Variants in HCRTR2 observed in about 807,000 individuals in gnomAD.
HCRTR2 encodes hypocretin receptor 2, also known as orexin receptor type 2.
HCRTR2 carries 22 observed loss-of-function variants against 49.0 expected under a neutral mutation model. The ratio of observed to expected loss-of-function variants is 0.45; its 90% CI spans 0.32 to 0.64. The LOEUF is 0.64. Among genes scored for constraint, HCRTR2 ranks in the 30% least tolerant of loss-of-function variants. The pLI, the probability that HCRTR2 is intolerant of heterozygous loss-of-function variation, is 0.04. For missense variants in HCRTR2, 491 were observed against 559.4 expected (o/e 0.88, Z 1.23); for synonymous variants, 236 against 205.3 (o/e 1.15, Z -1.28).
intron 1 of HCRTR2, among the ~76,000 whole-genome samples, chr6:55,160,942 A>C (rs549081365): frequency 6.6e-6 from 1 of 152,268 alleles, no homozygotes; most frequent in Non-Finnish European, 1.5e-5. Context: ...AAAATTAACA[A>C]GTACATTCAG....
intron 1 of HCRTR2, among the ~76,000 whole-genome samples, chr6:55,194,842 T>C (rs1765382201): frequency 6.6e-6 from 1 of 152,138 alleles, no homozygotes; most frequent in African/African-American, 2.4e-5. Flanking sequence ...TCTAGTACTT[T>C]TTTTAATGAA....
intron 1 of HCRTR2, among the ~76,000 whole-genome samples, chr6:55,151,062 A>G (rs1764658525): frequency 6.6e-6 from 1 of 152,058 alleles, no homozygotes; most frequent in South Asian, 2.1e-4. Flanking sequence ...AATGCTAACA[A>G]TCATCTGAAT....
chr6:55,119,023 T>C (rs1445963882), intron 1 of HCRTR2, among the ~76,000 whole-genome samples: 1 of 151,984 alleles, frequency 6.6e-6, no homozygotes, highest in East Asian at 1.9e-4. Context: ...CACTTATGAG[T>C]GAGAACATGT....
At chr6:55,243,391 C>A (rs75692341) in intron 1 of HCRTR2, among the ~76,000 whole-genome samples, 6,297 of 152,112 alleles carry the variant, frequency 0.041, 176 homozygotes, top group Middle Eastern at 0.085. Context: ...AAGTTCAGGT[C>A]CTGGGATTTA....
chr6:55,262,684 AT>A (rs1317401233), intron 3 of HCRTR2, among the ~76,000 whole-genome samples: 1 of 141,678 alleles, frequency 7.1e-6, no homozygotes, highest in Non-Finnish European at 1.5e-5. Flanking sequence ...TAAAATATAT[AT>A]TATGTAGGGA....
Position 55,174,826 on chromosome 6 carries a change from G to C in HCRTR2, c.223+16G>C, listed in dbSNP as rs375022205. On this transcript the variant is annotated intron_variant, in intron 1 of 6. Coordinates refer to ENST00000370862, the MANE Select transcript of HCRTR2 (RefSeq NM_001384272.1). ...AACGTCCTGGGTGAGTCTCCTCCCG[G>C]GCAGCCCTCCTAGGGGCTATCACCC... The C allele has an allele frequency of 1.4e-5, 23 of 1,609,702 alleles. No individual in the cohort carries two copies. The African/African-American group carries it at 2.3e-4, about 16-fold the overall frequency.
intron 3 of HCRTR2, 46 bp downstream of exon 3, chr6:55,255,425 A>G: frequency 6.2e-7 from 1 of 1,604,970 alleles, no homozygotes; most frequent in Non-Finnish European, 8.5e-7. Context: ...TTACAGCAGC[A>G]AATTGAAAAT....
At chr6:55,134,083 C>T (rs903989727) in intron 1 of HCRTR2, among the ~76,000 whole-genome samples, 4 of 151,772 alleles carry the variant, frequency 2.6e-5, no homozygotes, top group East Asian at 1.9e-4. Context: ...CCACTTCTTA[C>T]GTACCTCTTC....
intron 1 of HCRTR2, among the ~76,000 whole-genome samples, chr6:55,198,512 C>G (rs1418011490): frequency 6.6e-6 from 1 of 152,180 alleles, no homozygotes; most frequent in Non-Finnish European, 1.5e-5. Flanking sequence ...AATCCAAACA[C>G]TAAATTTAAA....
intron 1 of HCRTR2, among the ~76,000 whole-genome samples, chr6:55,214,146 T>C (rs1045271168): frequency 7.9e-5 from 12 of 152,174 alleles, no homozygotes; most frequent in Admixed American, 2.6e-4. Context: ...AGGAAGAGAT[T>C]ACAAGCTCCT....
intron 1 of HCRTR2, among the ~76,000 whole-genome samples, chr6:55,142,471 T>TGCTG (rs1764521407): frequency 6.6e-6 from 1 of 151,542 alleles, no homozygotes; most frequent in African/African-American, 2.4e-5. Flanking sequence ...GCCTCTAAAG[T>TGCTG]GCTGGGATTA....
In HCRTR2 at chr6:55,193,868, C is replaced by T. The variant is rs115994361; in HGVS notation, c.223+19058C>T. Among the ~76,000 whole-genome samples the T allele has an allele frequency of 2.9e-3, 441 of 152,162 alleles. 3 individuals are homozygous for T. The highest frequency in any genetic ancestry group is 0.01 in the African/African-American group (420 of 41,526). On this transcript the variant is annotated intron_variant, in intron 1 of 6. Coordinates refer to ENST00000370862, the MANE Select transcript of HCRTR2 (RefSeq NM_001384272.1). Reference sequence around the variant, plus strand: ...ATACCATGGGTTTCTCTGACCTTTCCTCTTCCGCTCCTCCCTGATGATTGG... The same window carrying T: ...ATACCATGGGTTTCTCTGACCTTTCTTCTTCCGCTCCTCCCTGATGATTGG...
At chr6:55,119,517 T>C (rs1764165972) in intron 1 of HCRTR2, among the ~76,000 whole-genome samples, 1 of 152,200 alleles carries the variant, frequency 6.6e-6, no homozygotes, top group Non-Finnish European at 1.5e-5. Context: ...TTGATTTGCA[T>C]TTCTCTAATG....
At position 55,154,691 on chromosome 6, in the gene HCRTR2, AATAAATAG is replaced by A. The variant is rs1764707194; in HGVS notation, c.-377-19512_-377-19505del. On this transcript the variant is annotated intron_variant, in intron 1 of 7. Coordinates refer to the HCRTR2 transcript ENST00000615358. ...ACAATTGGGCAAAAATAAATAAATA[AATAAATAG>A]ATAAATAAATAAATAAATATAAATA... Among the ~76,000 whole-genome samples the A allele has an allele frequency of 2.8e-5, 4 of 142,144 alleles. No homozygotes were observed. The South Asian group carries it at 9.0e-4, about 32-fold the overall frequency. 93.3% of individuals were successfully genotyped at this position (142,144 alleles called of 152,430 possible).
rs147294330 is a variant in HCRTR2 at position 55,279,807 on chromosome 6, C to T, written c.984-516C>T. Among the ~76,000 whole-genome samples, 338 of 151,990 alleles carry T rather than the reference C, an allele frequency of 2.2e-3. 2 individuals are homozygous for T. The highest frequency in any genetic ancestry group is 6.4e-3 in the African/African-American group (264 of 41,466). The stretch of plus-strand genomic sequence containing the variant: ...TAAAAATTACCAAAATTCTGCCCAT[C>T]GAGAACTGTTTCTTCTCTGGGTATT... On this transcript the variant is annotated intron_variant, in intron 5 of 6. Coordinates refer to ENST00000370862, the MANE Select transcript of HCRTR2 (RefSeq NM_001384272.1).
chr6:55,251,958 C>T (rs1766559436), intron 2 of HCRTR2, among the ~76,000 whole-genome samples: 2 of 151,870 alleles, frequency 1.3e-5, no homozygotes. Flanking sequence ...TATCAGAATC[C>T]AAATGAAAAA....
Position 55,228,607 on chromosome 6 carries a change from A to G in HCRTR2, c.224-20032A>G, listed in dbSNP as rs150310939. On this transcript the variant is annotated intron_variant, in intron 1 of 6. Coordinates refer to ENST00000370862, the MANE Select transcript of HCRTR2 (RefSeq NM_001384272.1). The stretch of plus-strand genomic sequence containing the variant: ...AAAAAATATCCAATAACATGCCCCA[A>G]TGTTTCACAGGTATCACACCAATAG... 5.9e-3 allele frequency among the ~76,000 whole-genome samples: 904 copies of G among 152,276 alleles called. 5 individuals are homozygous for G. The highest frequency in any genetic ancestry group is 0.014 in the Middle Eastern group (4 of 294).
intron 1 of HCRTR2, among the ~76,000 whole-genome samples, chr6:55,133,432 G>A (rs1190437257): frequency 2.6e-5 from 4 of 151,380 alleles, no homozygotes; most frequent in African/African-American, 9.7e-5. Context: ...AAATTCAGAA[G>A]GGGTATGCAT....
rs145449494 is a variant in HCRTR2 at position 55,207,213 on chromosome 6, T to C, written c.223+32403T>C. On this transcript the variant is annotated intron_variant, in intron 1 of 6. Transcript: ENST00000370862. ...ATTTCATTTATATTGATCAATAAATTGTTACATTTCACTAATACAATAAGG... is the reference window on the plus strand; with the variant it reads ...ATTTCATTTATATTGATCAATAAATCGTTACATTTCACTAATACAATAAGG... Among the ~76,000 whole-genome samples the C allele has an allele frequency of 8.9e-3, 1,358 of 152,202 alleles. 12 individuals carry two copies. Among genetic ancestry groups the C allele is most frequent in the Non-Finnish European group, 0.016 (1,076 of 67,948 alleles).
Sources: gnomAD v4.1 joint callset for allele counts (sites outside exome capture counted in the v4.1 genomes callset) on GRCh38, gnomAD v4.1.1 for gene constraint, MANE v1.5 for transcripts, NCBI Gene and HGNC (gene_info 2026-07-23, HGNC 2026-07-21) for gene names.